Variants in H1-5 observed in about 807,000 individuals in gnomAD.
H1-5 encodes histone H1.5.
A neutral mutation model predicts 4.6 loss-of-function variants in H1-5; 3 were observed. The ratio of observed to expected loss-of-function variants is 0.65; its 90% CI spans 0.30 to 1.68. The LOEUF (loss-of-function observed/expected upper bound fraction) is 1.68. Among genes scored for constraint, H1-5 ranks in the 40% most tolerant of loss-of-function variants. The probability of loss-of-function intolerance (pLI) is 0.10; values close to 1 mark genes in which losing one functional copy is unlikely to be tolerated. For synonymous variants in H1-5, 250 were observed against 123.4 expected, an observed-to-expected ratio of 2.03 and a Z score of -6.80; for missense variants, 521 against 287.9, an observed-to-expected ratio of 1.81 and a Z score of -5.86.
chr6:27,867,045 G>C lies in H1-5; in HGVS notation c.485C>G (p.Pro162Arg), dbSNP rs759795708. The C allele has an allele frequency of 1.9e-6, 3 of 1,613,882 alleles. No homozygotes were observed. Among genetic ancestry groups the C allele is most frequent in the Non-Finnish European group, 2.5e-6 (3 of 1,179,988 alleles). ...CACCTTTTTGACGCCAGCCGCCGCG[G>C]GCTTCTTCGCCTTCTTCGGAGTCTT... ...VKKTPKKAKKPAAAGVKKVAK... is the reference protein window; with the variant it reads ...VKKTPKKAKKRAAAGVKKVAK... The change falls in exon 1 of 1, where the codon CCC becomes CGC. Residue 162 changes from proline to arginine, a missense_variant. Physicochemically the swap from Pro to Arg is moderately radical, Grantham distance 103. Coordinates refer to ENST00000331442, the MANE Select transcript of H1-5 (RefSeq NM_005322.3).
Position 27,867,113 on chromosome 6 carries a change from AGG to A in H1-5, c.415_416del (p.Pro139Ter). 6.2e-7 allele frequency: 1 copy of A among 1,613,450 alleles called. No homozygotes were observed. The highest frequency in any genetic ancestry group is 8.5e-7 in the Non-Finnish European group (1 of 1,179,816). On this transcript the variant is annotated frameshift_variant, in exon 1 of 1. Coordinates refer to ENST00000331442, the MANE Select transcript of H1-5 (RefSeq NM_005322.3). LOFTEE classifies it low-confidence loss of function (END_TRUNC). ...AKAKKPAGAT[P>X]KKAKKAAGAK... ...CCCCTGCAGCCTTCTTGGCCTTCTT[AGG>A]CGTGGCCCCCGCGGGCTTCTTAGCT...
rs1398850143 is a variant in H1-5 at position 27,867,167 on chromosome 6, G to A, written c.363C>T (p.Pro121=). The A allele has an allele frequency of 2.5e-6, 4 of 1,614,048 alleles. No homozygotes were observed. The highest frequency in any genetic ancestry group is 2.2e-5 in the East Asian group (1 of 44,894). The change falls in exon 1 of 1, where the codon CCC becomes CCT. Residue 121 remains proline, a synonymous_variant. Coordinates refer to ENST00000331442, the MANE Select transcript of H1-5 (RefSeq NM_005322.3). ...TAGCGGCGCCTGCCTTCTTGGCTTTGGGCTTGGCTTCCCCGGAGGCCGCCT... is the reference window on the plus strand; with the variant it reads ...TAGCGGCGCCTGCCTTCTTGGCTTTAGGCTTGGCTTCCCCGGAGGCCGCCT... ...NKKAASGEAK[P]KAKKAGAAKA...
At position 27,866,866 on chromosome 6, in the gene H1-5, C is replaced by A; in HGVS notation, c.664G>T (p.Ala222Ser). The change falls in exon 1 of 1, where the codon GCT becomes TCT. Residue 222 changes from alanine to serine, a missense_variant. Physicochemically the swap from Ala to Ser is moderately conservative, Grantham distance 99. Transcript: ENST00000331442. ...KPKAAKAKKA[A>S]AKKK ...CCAGCTTCCTACTTCTTTTTGGCAG[C>A]CGCCTTCTTGGCCTTTGCAGCTTTA... The A allele has an allele frequency of 6.3e-7, 1 of 1,590,706 alleles. No individual in the cohort carries two copies. The highest frequency in any genetic ancestry group is 2.2e-5 in the East Asian group (1 of 44,768).
In H1-5 at chr6:27,867,008, A is replaced by G. The variant is rs1761524929; in HGVS notation, c.522T>C (p.Pro174=). Residue 174 remains proline (P), a synonymous_variant, in exon 1 of 1, where the codon CCT becomes CCC. Coordinates refer to ENST00000331442, the MANE Select transcript of H1-5 (RefSeq NM_005322.3). ...GTTTGGCAGCGGCCTTGGCCTTCTT[A>G]GGGCTCTTCGCCACCTTTTTGACGC... ...AAGVKKVAKS[P]KKAKAAAKPK... is the part of the protein sequence containing the mutation. The G allele has an allele frequency of 1.2e-6, 2 of 1,613,952 alleles. No homozygotes were observed. The highest frequency in any genetic ancestry group is 1.1e-5 in the South Asian group (1 of 91,066).
rs192886051 is a variant in H1-5 at position 27,867,538 on chromosome 6, G to C, written c.-9C>G. ...GGAGCGGTTTCCGACATGGTGGCAA[G>C]AAACTGCTAGAAGAGAATAAGCTCG... On this transcript the variant is annotated 5_prime_UTR_variant, in exon 1 of 1. Coordinates refer to ENST00000331442, the MANE Select transcript of H1-5 (RefSeq NM_005322.3). 2.0e-6 allele frequency: 3 copies of C among 1,533,672 alleles called. No homozygotes were observed. The highest frequency in any genetic ancestry group is 2.8e-5 in the African/African-American group (2 of 72,034).
Position 27,867,559 on chromosome 6 carries a change from G to T in H1-5, c.-30C>A. On this transcript the variant is annotated 5_prime_UTR_variant, in exon 1 of 1. Transcript: ENST00000331442. The stretch of plus-strand genomic sequence containing the variant: ...GCAAGAAACTGCTAGAAGAGAATAA[G>T]CTCGAAATCTAAAGAGCAGGTTTTG... 6.6e-7 allele frequency: 1 copy of T among 1,517,688 alleles called. No homozygotes were observed. The highest frequency in any genetic ancestry group is 8.8e-7 in the Non-Finnish European group (1 of 1,135,594). 94.0% of individuals were successfully genotyped at this position (1,517,688 alleles called of 1,614,324 possible).
In H1-5 at chr6:27,867,194, C is replaced by T; in HGVS notation, c.336G>A (p.Lys112=). The T allele has an allele frequency of 6.2e-7, 1 of 1,614,238 alleles. No homozygotes were observed. Among genetic ancestry groups the T allele is most frequent in the African/African-American group, 1.3e-5 (1 of 75,080 alleles). ...TGASGSFKLN[K]KAASGEAKPK... is the part of the protein sequence containing the mutation. ...GCTTGGCTTCCCCGGAGGCCGCCTTCTTGTTGAGTTTAAAGGAGCCAGAAG... is the reference window on the plus strand; with the variant it reads ...GCTTGGCTTCCCCGGAGGCCGCCTTTTTGTTGAGTTTAAAGGAGCCAGAAG... The change falls in exon 1 of 1, where the codon AAG becomes AAA. Residue 112 remains lysine (K), a synonymous_variant. Transcript: ENST00000331442.
rs1043555653 is a variant in H1-5, at chr6:27,866,951, G to A, written c.579C>T (p.Pro193=). Residue 193 remains proline, a synonymous_variant, in exon 1 of 1, where the codon CCC becomes CCT. Transcript: ENST00000331442. The stretch of plus-strand genomic sequence containing the variant: ...TTGCCGCCTTCGGCTTAACTGCCTT[G>A]GGCTTGGCAGGACTCTTGGTTGCCT... ...PKKATKSPAK[P]KAVKPKAAKP... 8 of 1,614,072 alleles carry A rather than the reference G, an allele frequency of 5.0e-6. 1 individual carries two copies. The Middle Eastern group carries it at 6.6e-4, about 133-fold the overall frequency.
rs566451765 is a variant in H1-5 at position 27,867,490 on chromosome 6, G to T, written c.40C>A (p.Pro14Thr). 3.8e-6 allele frequency: 6 copies of T among 1,575,826 alleles called. No homozygotes were observed. The Admixed American group carries it at 9.7e-5, about 25-fold the overall frequency. The change falls in exon 1 of 1, where the codon CCG becomes ACG. Residue 14 changes from proline to threonine, a missense_variant. By Grantham distance (38) the Pro-to-Thr change is conservative. Transcript: ENST00000331442. ...TAPAETATPA[P>T]VEKSPAKKKA... ...TTCTTAGCCGGGGATTTCTCCACCG[G>T]CGCTGGGGTGGCTGTCTCGGCAGGA...
At position 27,867,406 on chromosome 6, in the gene H1-5, G is replaced by T; in HGVS notation, c.124C>A (p.Pro42Thr). 2 of 1,614,072 alleles carry T rather than the reference G, an allele frequency of 1.2e-6. No homozygotes were observed. The highest frequency in any genetic ancestry group is 1.7e-6 in the Non-Finnish European group (2 of 1,179,948). Residue 42 changes from proline (P) to threonine (T), a missense_variant, in exon 1 of 1, where the codon CCA (proline) becomes ACA (threonine). Transcript: ENST00000331442. ...GAAKRKATGP[P>T]VSELITKAVA... Reference sequence around the variant, plus strand: ...GCCTTGGTGATCAGCTCTGAGACTGGGGGCCCCGTCGCTTTGCGCTTAGCA... The same window carrying T: ...GCCTTGGTGATCAGCTCTGAGACTGTGGGCCCCGTCGCTTTGCGCTTAGCA...
In H1-5 at chr6:27,866,936, CGGCTTAACTGCCTTG is replaced by C. The variant is rs1381051283; in HGVS notation, c.579_593del (p.Val196_Ala200del). 6.2e-7 allele frequency: 1 copy of C among 1,614,128 alleles called. No homozygotes were observed. On this transcript the variant is annotated inframe_deletion, in exon 1 of 1. Transcript: ENST00000331442. ...TAGCGGCTTTGGGCTTTGCCGCCTT[CGGCTTAACTGCCTTG>C]GGCTTGGCAGGACTCTTGGTTGCCT... is the stretch of plus-strand genomic sequence containing the variant.
rs759375499 is a variant in H1-5 at position 27,867,340 on chromosome 6, C to T, written c.190G>A (p.Ala64Thr). The T allele has an allele frequency of 1.2e-6, 2 of 1,614,150 alleles. No individual in the cohort carries two copies. Among genetic ancestry groups the T allele is most frequent in the Non-Finnish European group, 8.5e-7 (1 of 1,180,058 alleles). The change falls in exon 1 of 1, where the codon GCC becomes ACC. Residue 64 changes from alanine (A) to threonine (T), a missense_variant. Ala to Thr is a moderately conservative substitution (Grantham distance 58). Transcript: ENST00000331442. The part of the protein sequence containing the change: ...SKERNGLSLA[A>T]LKKALAAGGY... ...CCGGCCGCTAAGGCCTTCTTAAGGG[C>T]TGCCAAAGAAAGGCCATTGCGCTCC...
rs754466196 is a variant in H1-5 at position 27,867,502 on chromosome 6, C to G, written c.28G>C (p.Ala10Pro). ...GATTTCTCCACCGGCGCTGGGGTGG[C>G]TGTCTCGGCAGGAGCGGTTTCCGAC... MSETAPAET[A>P]TPAPVEKSPA... is the part of the protein sequence containing the mutation. The change falls in exon 1 of 1, where the codon GCC (alanine) becomes CCC (proline). Residue 10 changes from alanine (A) to proline (P), a missense_variant. Physicochemically the swap from Ala to Pro is conservative, Grantham distance 27. Coordinates refer to ENST00000331442, the MANE Select transcript of H1-5 (RefSeq NM_005322.3). The G allele has an allele frequency of 1.9e-6, 3 of 1,564,012 alleles. No individual in the cohort carries two copies. The highest frequency in any genetic ancestry group is 2.2e-5 in the East Asian group (1 of 44,482).
rs543373491 is a variant in H1-5 at position 27,867,382 on chromosome 6, C to T, written c.148G>A (p.Ala50Thr). 1.9e-6 allele frequency: 3 copies of T among 1,614,256 alleles called. No individual in the cohort carries two copies. Among genetic ancestry groups the T allele is most frequent in the East Asian group, 2.2e-5 (1 of 44,886 alleles). The change falls in exon 1 of 1, where the codon GCT becomes ACT. Residue 50 changes from alanine to threonine, a missense_variant. Coordinates refer to ENST00000331442, the MANE Select transcript of H1-5 (RefSeq NM_005322.3). ...TTGCGCTCCTTAGAAGCAGCCACAGCCTTGGTGATCAGCTCTGAGACTGGG... is the reference window on the plus strand; with the variant it reads ...TTGCGCTCCTTAGAAGCAGCCACAGTCTTGGTGATCAGCTCTGAGACTGGG... The part of the protein sequence containing the change: ...GPPVSELITK[A>T]VAASKERNGL...
Position 27,867,225 on chromosome 6 carries a change from G to A in H1-5, c.305C>T (p.Thr102Ile), listed in dbSNP as rs200871736. ...SKGTLVQTKG[T>I]GASGSFKLNK... ...GAGTTTAAAGGAGCCAGAAGCACCA[G>A]TGCCCTTGGTCTGCACCAGGGTGCC... Residue 102 changes from threonine (T) to isoleucine (I), a missense_variant, in exon 1 of 1, where the codon ACT (threonine) becomes ATT (isoleucine). By Grantham distance (89) the Thr-to-Ile change is moderately conservative. Transcript: ENST00000331442. 1.2e-6 allele frequency: 2 copies of A among 1,614,236 alleles called. No homozygotes were observed. Among genetic ancestry groups the A allele is most frequent in the Non-Finnish European group, 1.7e-6 (2 of 1,180,026 alleles).
rs1761549130 is a variant in H1-5 at position 27,867,587 on chromosome 6, T to C, written c.-58A>G. The stretch of plus-strand genomic sequence containing the variant: ...CGAAATCTAAAGAGCAGGTTTTGCG[T>C]TGCTGCTATGCTCGGGCCCCGGGCT... On this transcript the variant is annotated 5_prime_UTR_variant, in exon 1 of 1. Coordinates refer to ENST00000331442, the MANE Select transcript of H1-5 (RefSeq NM_005322.3). 1 of 1,465,376 alleles carries C rather than the reference T, an allele frequency of 6.8e-7. No individual in the cohort carries two copies. Among genetic ancestry groups the C allele is most frequent in the Non-Finnish European group, 9.1e-7 (1 of 1,094,044 alleles). The allele number at this position is 1,465,376 out of a possible 1,614,324, so 90.8% of individuals were successfully genotyped here.
Position 27,867,488 on chromosome 6 carries a change from C to T in H1-5, c.42G>A (p.Pro14=), listed in dbSNP as rs776774495. 2.4e-4 allele frequency: 379 copies of T among 1,583,012 alleles called. No individual in the cohort carries two copies. Among genetic ancestry groups the T allele is most frequent in the Non-Finnish European group, 3.0e-4 (346 of 1,167,160 alleles). The change falls in exon 1 of 1, where the codon CCG becomes CCA. Residue 14 remains proline, a synonymous_variant. Transcript: ENST00000331442. ...TAPAETATPA[P]VEKSPAKKKA... is the part of the protein sequence containing the mutation. ...TCTTCTTAGCCGGGGATTTCTCCAC[C>T]GGCGCTGGGGTGGCTGTCTCGGCAG... is the stretch of plus-strand genomic sequence containing the variant.
Position 27,867,268 on chromosome 6 carries a change from T to A in H1-5, c.262A>T (p.Lys88Ter). 1 of 1,614,242 alleles carries A rather than the reference T, an allele frequency of 6.2e-7. No individual in the cohort carries two copies. Among genetic ancestry groups the A allele is most frequent in the Non-Finnish European group, 8.5e-7 (1 of 1,180,036 alleles). ...KNNSRIKLGLKSLVSKGTLVQ... is the reference protein window; with the variant it reads ...KNNSRIKLGL ...AGGGTGCCCTTGCTCACCAAGCTCT[T>A]GAGGCCCAGCTTAATGCGGCTGTTA... The change falls in exon 1 of 1, where the codon AAG (lysine) becomes TAG (stop). Residue 88 changes from lysine (K) to a stop codon, truncating the protein, a stop_gained. Coordinates refer to ENST00000331442, the MANE Select transcript of H1-5 (RefSeq NM_005322.3). LOFTEE classifies it high-confidence loss of function.
chr6:27,867,046 G>T lies in H1-5; in HGVS notation c.484C>A (p.Pro162Thr), dbSNP rs367931912. 23 of 1,613,748 alleles carry T rather than the reference G, an allele frequency of 1.4e-5. No individual in the cohort carries two copies. Among genetic ancestry groups the T allele is most frequent in the African/African-American group, 8.0e-5 (6 of 74,864 alleles). Residue 162 changes from proline to threonine, a missense_variant, in exon 1 of 1, where the codon CCC (proline) becomes ACC (threonine). Physicochemically the swap from Pro to Thr is conservative, Grantham distance 38. Transcript: ENST00000331442. ...ACCTTTTTGACGCCAGCCGCCGCGG[G>T]CTTCTTCGCCTTCTTCGGAGTCTTC... ...VKKTPKKAKK[P>T]AAAGVKKVAK...
Sources: allele counts gnomAD v4.1 joint callset, GRCh38; gene constraint gnomAD v4.1.1; transcripts MANE v1.5; gene names NCBI Gene and HGNC (gene_info 2026-07-23, HGNC 2026-07-21).